NOX4: variants seen among roughly 807,000 people sequenced by gnomAD.
The protein encoded by NOX4 is kidney oxidase-1.
A neutral mutation model predicts 87.6 loss-of-function variants in NOX4; 69 were observed. The ratio of observed to expected loss-of-function variants is 0.79; its 90% CI spans 0.65 to 0.96. NOX4 has a LOEUF of 0.96. Ranked by LOEUF, NOX4 falls within the 40% of genes least tolerant of loss-of-function variation. The pLI is 0.00. For synonymous variants in NOX4, 275 were observed against 238.2 expected, an observed-to-expected ratio of 1.15 and a Z score of -1.42; for missense variants, 680 against 681.5, an observed-to-expected ratio of 1.00 and a Z score of 0.02.
chr11:89,508,117 T>C, the NOX4 span, among the ~76,000 whole-genome samples: 5 of 152,104 alleles, frequency 3.3e-5, no homozygotes, highest in African/African-American at 9.7e-5. Context: ...GTATGTAAAC[T>C]GACTTTCTTG....
chr11:89,571,602 T>C, the NOX4 span, among the ~76,000 whole-genome samples: 2 of 152,116 alleles, frequency 1.3e-5, no homozygotes, highest in Admixed American at 6.5e-5. Context: ...GGCTATACCT[T>C]TTTAAATAAG....
At chr11:89,478,223 G>A (rs1364115140) in intron 2 of NOX4, among the ~76,000 whole-genome samples, 2 of 151,836 alleles carry the variant, frequency 1.3e-5, no homozygotes, top group Non-Finnish European at 2.9e-5. Context: ...TCTTATAAGC[G>A]ATATATTAGG....
At chr11:89,553,098 ACAGGGTCCTAGT>A in the NOX4 span, among the ~76,000 whole-genome samples, 1 of 152,128 alleles carries the variant, frequency 6.6e-6, no homozygotes, top group Admixed American at 6.5e-5. Context: ...TTTACCCCAC[ACAGGGTCCTAGT>A]CAGAATTCCA....
rs560673710 is a variant in NOX4, at chr11:89,336,058, G to GT, written c.1516-114dup. Reference sequence around the variant, plus strand: ...ACCAAATTGCTGTGATATAAAGAATGTAAGTATCAAATGGCAACCTATCAC... The same window carrying GT: ...ACCAAATTGCTGTGATATAAAGAATGTTAAGTATCAAATGGCAACCTATCAC... On this transcript the variant is annotated intron_variant, in intron 16 of 17. Transcript: ENST00000263317. The GT allele has an allele frequency of 1.6e-3, 902 of 552,228 alleles. 11 individuals are homozygous for GT. The highest frequency in any genetic ancestry group is 0.01 in the South Asian group (355 of 34,170). 34.2% of individuals were successfully genotyped at this position (552,228 alleles called of 1,614,324 possible). A position where few individuals can be genotyped will look rare whatever the true frequency, so the allele number is the denominator to read the frequency against.
At chr11:89,501,123 A>G (rs1255931835), upstream of NOX4, among the ~76,000 whole-genome samples, 1 of 151,986 alleles carries the variant, frequency 6.6e-6, no homozygotes, top group Admixed American at 6.6e-5. Context: ...TTTGGCTGCT[A>G]CTTGGAACTT....
the NOX4 span, among the ~76,000 whole-genome samples, chr11:89,554,274 T>A: frequency 2.6e-5 from 4 of 152,072 alleles, no homozygotes; most frequent in Admixed American, 1.3e-4. Flanking sequence ...TATTGAAAAA[T>A]TCTTTTCACC....
At chr11:89,438,016 G>A (rs1944169900) in intron 6 of NOX4, among the ~76,000 whole-genome samples, 1 of 151,626 alleles carries the variant, frequency 6.6e-6, no homozygotes, top group Admixed American at 6.6e-5. Context: ...TACCTGGGAA[G>A]GTTAGTAAAA....
At chr11:89,553,951 A>G in the NOX4 span, among the ~76,000 whole-genome samples, 1 of 150,510 alleles carries the variant, frequency 6.6e-6, no homozygotes, top group African/African-American at 2.4e-5. Flanking sequence ...TTAGACTCCT[A>G]TCCGCTCACG....
At chr11:89,496,514 A>AAAACAT (rs1946952983), upstream of NOX4, among the ~76,000 whole-genome samples, 1 of 152,120 alleles carries the variant, frequency 6.6e-6, no homozygotes, top group African/African-American at 2.4e-5. Context: ...TATGTATATG[A>AAAACAT]GAACATCAAA....
At chr11:89,563,052 C>T in the NOX4 span, among the ~76,000 whole-genome samples, 5 of 152,144 alleles carry the variant, frequency 3.3e-5, no homozygotes, top group African/African-American at 1.2e-4. Flanking sequence ...TCCCCTTCAC[C>T]TTCTGCCATG....
At chr11:89,338,879 C>T (rs1945847713) in intron 15 of NOX4, among the ~76,000 whole-genome samples, 1 of 152,132 alleles carries the variant, frequency 6.6e-6, no homozygotes, top group Non-Finnish European at 1.5e-5. Flanking sequence ...GTTTACGCTG[C>T]TTTACTCCTA....
the NOX4 span, among the ~76,000 whole-genome samples, chr11:89,550,232 C>G: frequency 6.6e-6 from 1 of 151,414 alleles, no homozygotes; most frequent in African/African-American, 2.4e-5. Context: ...GTTGCCCAGG[C>G]TGTAGTGCAG....
chr11:89,398,118 G>A (rs557948233), intron 11 of NOX4, among the ~76,000 whole-genome samples: 5 of 151,670 alleles, frequency 3.3e-5, no homozygotes, highest in East Asian at 1.9e-4. Flanking sequence ...CTTATCCACC[G>A]AGATCAAGTT....
At chr11:89,538,578 T>C in the NOX4 span, among the ~76,000 whole-genome samples, 62,849 of 151,930 alleles carry the variant, frequency 0.41, 13,847 homozygotes, top group African/African-American at 0.56. Flanking sequence ...TTGGAACACT[T>C]ATTTGATCTA....
chr11:89,431,640 A>G (rs1035344661), intron 7 of NOX4, among the ~76,000 whole-genome samples: 23 of 152,186 alleles, frequency 1.5e-4, no homozygotes, highest in African/African-American at 4.6e-4. Context: ...GCAAATCAAA[A>G]CCACAATGAG....
chr11:89,562,897 T>C, the NOX4 span, among the ~76,000 whole-genome samples: 3 of 152,102 alleles, frequency 2.0e-5, no homozygotes, highest in South Asian at 4.1e-4. Context: ...TGGGAGGTAA[T>C]TGGATTATTG....
chr11:89,393,341 T>C (rs1941255906), intron 11 of NOX4, among the ~76,000 whole-genome samples: 1 of 152,110 alleles, frequency 6.6e-6, no homozygotes. Flanking sequence ...AGATAGCTCT[T>C]TGTAATTTCT....
rs1245378757 is a variant in NOX4, at chr11:89,444,214, T to A, written c.368A>T (p.His123Leu). ...TGAGAAGTTGAGGGCATTCACCAGA[T>A]GGGCAGCCACATGCACGCCTACAGA... Reference protein sequence around the residue: ...CIFSGVHVAAHLVNALNFSVN... With the variant: ...CIFSGVHVAALLVNALNFSVN... Residue 123 changes from histidine to leucine, a missense_variant, in exon 5 of 18, where the codon CAT (histidine) becomes CTT (leucine). Physicochemically the swap from His to Leu is moderately conservative, Grantham distance 99. Transcript: ENST00000263317. The A allele has an allele frequency of 6.2e-7, 1 of 1,613,500 alleles. No homozygotes were observed. Among genetic ancestry groups the A allele is most frequent in the Non-Finnish European group, 8.5e-7 (1 of 1,179,640 alleles).
chr11:89,583,234 C>T, the NOX4 span, among the ~76,000 whole-genome samples: 2 of 151,912 alleles, frequency 1.3e-5, no homozygotes, highest in African/African-American at 2.4e-5. Context: ...CTGCCACAAC[C>T]CATTCTGATG....
Sources: allele counts gnomAD v4.1 joint callset (sites outside exome capture counted in the v4.1 genomes callset), GRCh38; gene constraint gnomAD v4.1.1; transcripts MANE v1.5; gene names NCBI Gene and HGNC (gene_info 2026-07-23, HGNC 2026-07-21).